MACROH2A1: variants seen among roughly 807,000 people sequenced by gnomAD.
MACROH2A1 encodes macroH2A.1 histone.
In MACROH2A1, 2 loss-of-function variants were observed where a neutral mutation model predicts 31.6. The ratio of observed to expected loss-of-function variants is 0.06; its 90% CI spans 0.03 to 0.20. The LOEUF is 0.20. Ranked by LOEUF, MACROH2A1 falls within the 10% of genes least tolerant of loss-of-function variation. The pLI is 1.00. For synonymous variants in MACROH2A1, 169 were observed against 189.6 expected (o/e 0.89, Z 0.89); for missense variants, 230 against 474.0 (o/e 0.49, Z 4.78).
chr5:135,357,670 G>GA, intron 5 of MACROH2A1: 1 of 941,818 alleles, frequency 1.1e-6, no homozygotes, highest in Non-Finnish European at 1.3e-6. Context: ...TAAAACCTCT[G>GA]AAAAAAGGCT....
chr5:135,396,540 C>T (rs1768012784), intron 1 of MACROH2A1, among the ~76,000 whole-genome samples: 1 of 152,146 alleles, frequency 6.6e-6, no homozygotes, highest in African/African-American at 2.4e-5. Flanking sequence ...CTAAGATGCA[C>T]ACATGGGGTT....
chr5:135,344,775 T>C (rs1760553722), intron 7 of MACROH2A1: 1 of 152,232 alleles, frequency 6.6e-6, no homozygotes, highest in African/African-American at 2.4e-5. Context: ...AAAAGTGTTA[T>C]TGAAACAAGC....
At chr5:135,352,521 G>C (rs1480533990) in intron 6 of MACROH2A1, among the ~76,000 whole-genome samples, 1 of 152,336 alleles carries the variant, frequency 6.6e-6, no homozygotes, top group East Asian at 1.9e-4. Flanking sequence ...GCATACTGAT[G>C]TGGCCTGTCT....
At chr5:135,349,748 C>T (rs959910610) in intron 6 of MACROH2A1, among the ~76,000 whole-genome samples, 2 of 152,184 alleles carry the variant, frequency 1.3e-5, no homozygotes, top group Non-Finnish European at 2.9e-5. Context: ...GAGGGCTGCT[C>T]TCAGGACCAG....
At chr5:135,339,125 G>C (rs758448371) in intron 8 of MACROH2A1, among the ~76,000 whole-genome samples, 1 of 152,148 alleles carries the variant, frequency 6.6e-6, no homozygotes, top group Non-Finnish European at 1.5e-5. Context: ...TACACCATAG[G>C]GCTAGGACCT....
intron 4 of MACROH2A1, chr5:135,362,501 A>T (rs1365413025): frequency 1.3e-5 from 2 of 152,214 alleles, no homozygotes; most frequent in Non-Finnish European, 2.9e-5. Context: ...AATTTTTTTT[A>T]GTGAACAAGA....
intron 2 of MACROH2A1, among the ~76,000 whole-genome samples, chr5:135,380,533 T>C (rs962814560): frequency 9.9e-5 from 15 of 152,182 alleles, no homozygotes; most frequent in African/African-American, 3.6e-4. Context: ...CAGCATGAAC[T>C]ATAAAGCTAT....
intron 5 of MACROH2A1, chr5:135,355,553 C>A: frequency 4.2e-6 from 1 of 237,258 alleles, no homozygotes; most frequent in Non-Finnish European, 8.5e-6. Context: ...TTTAAACAAT[C>A]TTGACTAGAA....
At chr5:135,379,975 GC>G (rs1324988378) in intron 2 of MACROH2A1, among the ~76,000 whole-genome samples, 1 of 152,128 alleles carries the variant, frequency 6.6e-6, no homozygotes, top group African/African-American at 2.4e-5. Flanking sequence ...AGCAACAGCT[GC>G]CCTGCTGCAT....
At chr5:135,395,242 C>T (rs1433007219) in intron 1 of MACROH2A1, among the ~76,000 whole-genome samples, 2 of 152,200 alleles carry the variant, frequency 1.3e-5, no homozygotes, top group East Asian at 3.8e-4. Flanking sequence ...GTTTAAGCTA[C>T]AGCACAGAAA....
chr5:135,375,758 A>C (rs1470901528), intron 2 of MACROH2A1, among the ~76,000 whole-genome samples: 1 of 152,184 alleles, frequency 6.6e-6, no homozygotes, highest in East Asian at 1.9e-4. Context: ...TCCCAAGGAG[A>C]AAACATGTTT....
intron 1 of MACROH2A1, among the ~76,000 whole-genome samples, chr5:135,391,960 A>G (rs761000661): frequency 9.9e-5 from 15 of 152,168 alleles, no homozygotes; most frequent in Admixed American, 2.0e-4. Flanking sequence ...AGCCACAAAC[A>G]GCATACTTCA....
chr5:135,355,089 G>C (rs1245952469), intron 5 of MACROH2A1: 1 of 456,064 alleles, frequency 2.2e-6, no homozygotes, highest in Non-Finnish European at 4.4e-6. Context: ...CATTGGAAAA[G>C]AAGCTATTTT....
intron 5 of MACROH2A1, chr5:135,354,303 C>T (rs977115423): frequency 1.8e-4 from 27 of 152,186 alleles, no homozygotes; most frequent in African/African-American, 6.3e-4. Flanking sequence ...CCAGAAGTAT[C>T]GGAAATATAA....
intron 2 of MACROH2A1, among the ~76,000 whole-genome samples, chr5:135,383,726 T>C (rs1348644847): frequency 6.6e-6 from 1 of 151,434 alleles, no homozygotes; most frequent in African/African-American, 2.4e-5. Context: ...TGTGTGTGTG[T>C]GTGTGTGTGT....
At chr5:135,387,341 C>G (rs993688316) in intron 2 of MACROH2A1, among the ~76,000 whole-genome samples, 21 of 152,328 alleles carry the variant, frequency 1.4e-4, no homozygotes, top group African/African-American at 4.3e-4. Context: ...AACACTATTA[C>G]TTTTCATGCC....
chr5:135,354,141 G>A (rs1561595172), intron 5 of MACROH2A1: 1 of 152,238 alleles, frequency 6.6e-6, no homozygotes, highest in African/African-American at 2.4e-5. Flanking sequence ...CAGTCTGCAG[G>A]GTTTACCAGG....
chr5:135,394,783 C>G (rs1561680254), intron 1 of MACROH2A1, among the ~76,000 whole-genome samples: 1 of 152,192 alleles, frequency 6.6e-6, no homozygotes, highest in Non-Finnish European at 1.5e-5. Flanking sequence ...CCAATTTGCT[C>G]TACTCACCAC....
In MACROH2A1 at chr5:135,350,697, A is replaced by ACAACC. The variant is rs1029564500; in HGVS notation, c.688+2248_688+2249insGGTTG. 4 of 605,198 alleles carry ACAACC rather than the reference A, an allele frequency of 6.6e-6. No homozygotes were observed. The African/African-American group carries it at 7.3e-5, about 11-fold the overall frequency. The allele number at this position is 605,198 out of a possible 1,614,324, so 37.5% of individuals were successfully genotyped here. On this transcript the variant is annotated intron_variant, in intron 6 of 8. Transcript: ENST00000511689. Reference sequence around the variant, plus strand: ...CAGGTTCACAACCCAGGGACAGGAGACAGGGTCAGGACAGCTGGAAGTGTG... The same window carrying ACAACC: ...CAGGTTCACAACCCAGGGACAGGAGACAACCCAGGGTCAGGACAGCTGGAAGTGTG...
Sources: gnomAD v4.1 joint callset for allele counts (sites outside exome capture counted in the v4.1 genomes callset) on GRCh38, gnomAD v4.1.1 for gene constraint, MANE v1.5 for transcripts, NCBI Gene and HGNC (gene_info 2026-07-23, HGNC 2026-07-21) for gene names.